The following UQCC6 variants were observed in gnomAD, a reference collection of about 807,000 sequenced individuals.
UQCC6 encodes protein BRAWNIN.
chr12:103,955,379 G>A, the UQCC6 span, among the ~76,000 whole-genome samples: 1 of 152,158 alleles, frequency 6.6e-6, no homozygotes, highest in African/African-American at 2.4e-5. Context: ...GCTCACACCT[G>A]TAATCCCAAC....
the UQCC6 span, chr12:103,951,523 T>G: frequency 6.7e-7 from 1 of 1,482,732 alleles, no homozygotes; most frequent in Non-Finnish European, 9.2e-7. Context: ...CTTGGCATAG[T>G]TATTTAAGTT....
chr12:103,955,877 T>A, the UQCC6 span: 7 of 442,020 alleles, frequency 1.6e-5, no homozygotes, highest in South Asian at 1.1e-4. Context: ...TAGTTCCTAA[T>A]GAATGCTTAT....
chr12:103,955,433 T>G, the UQCC6 span, among the ~76,000 whole-genome samples: 3 of 152,212 alleles, frequency 2.0e-5, no homozygotes, highest in Non-Finnish European at 4.4e-5. Context: ...AGCCAGGAGT[T>G]GGAGACCAGC....
chr12:103,952,299 CCT>C, the UQCC6 span, among the ~76,000 whole-genome samples: 1 of 152,144 alleles, frequency 6.6e-6, no homozygotes, highest in East Asian at 1.9e-4. Context: ...AATATGTGGT[CCT>C]CTGTGTTCTT....
the UQCC6 span, chr12:103,956,493 C>A: frequency 4.8e-6 from 3 of 630,450 alleles, no homozygotes; most frequent in East Asian, 8.6e-5. Context: ...CGTTCAAGAT[C>A]ACTTTTGCTG....
At chr12:103,962,450 T>C in the UQCC6 span, among the ~76,000 whole-genome samples, 2 of 152,208 alleles carry the variant, frequency 1.3e-5, no homozygotes, top group Non-Finnish European at 2.9e-5. Flanking sequence ...TTTGTTTTTT[T>C]ATATGGTGTG....
At chr12:103,955,755 C>A in the UQCC6 span, 18 of 455,844 alleles carry the variant, frequency 3.9e-5, no homozygotes, top group Admixed American at 4.2e-4. Context: ...CATTGTGCTC[C>A]AAACCACTAT....
the UQCC6 span, among the ~76,000 whole-genome samples, chr12:103,957,992 A>ATT: frequency 3.3e-4 from 46 of 140,074 alleles, no homozygotes; most frequent in African/African-American, 5.0e-4. Flanking sequence ...ATATTTATAT[A>ATT]TTTATAATAT....
chr12:103,965,636 G>A, the UQCC6 span: 1 of 211,334 alleles, frequency 4.7e-6, no homozygotes. Context: ...TATCGCCCAC[G>A]CGTCCACCAG....
chr12:103,963,296 G>A, the UQCC6 span, among the ~76,000 whole-genome samples: 4 of 152,064 alleles, frequency 2.6e-5, no homozygotes, highest in Admixed American at 1.3e-4. Flanking sequence ...GGCCGTTCTC[G>A]AACTTCTGGC....
the UQCC6 span, chr12:103,953,679 A>G: frequency 1.5e-6 from 1 of 665,376 alleles, no homozygotes; most frequent in East Asian, 2.7e-5. Context: ...TCCTACAGAG[A>G]TACCCCATTG....
At chr12:103,956,579 G>A in the UQCC6 span, 1 of 1,213,210 alleles carries the variant, frequency 8.2e-7, no homozygotes, top group Non-Finnish European at 1.2e-6. Context: ...AATTTACAAA[G>A]AAATGAGGTA....
chr12:103,954,941 A>T, the UQCC6 span: 1 of 701,750 alleles, frequency 1.4e-6, no homozygotes. Context: ...TGAGAAATCA[A>T]CTTCACTCTT....
the UQCC6 span, among the ~76,000 whole-genome samples, chr12:103,963,265 G>A: frequency 2.0e-5 from 3 of 152,002 alleles, no homozygotes; most frequent in Non-Finnish European, 4.4e-5. Context: ...TAGCAGAGAC[G>A]GGGTTTCACC....
the UQCC6 span, chr12:103,955,654 T>C: frequency 2.4e-6 from 1 of 415,626 alleles, no homozygotes; most frequent in South Asian, 1.7e-5. Flanking sequence ...TATTTTTCAA[T>C]AAAAATTTCT....
At chr12:103,964,873 A>G in the UQCC6 span, among the ~76,000 whole-genome samples, 20,963 of 152,234 alleles carry the variant, frequency 0.14, 1,589 homozygotes, top group Admixed American at 0.2. Context: ...TCAAACTTTA[A>G]ACAGTTGATA....
At chr12:103,962,231 T>C in the UQCC6 span, among the ~76,000 whole-genome samples, 1,137 of 152,354 alleles carry the variant, frequency 7.5e-3, 11 homozygotes, top group African/African-American at 0.026. Context: ...AAGTCCTTTA[T>C]CAGATATGAT....
chr12:103,965,695 G>A, the UQCC6 span: 2 of 313,494 alleles, frequency 6.4e-6, no homozygotes, highest in East Asian at 5.1e-5. Context: ...AGCGCTCCTA[G>A]TCCCCGTCTT....
the UQCC6 span, among the ~76,000 whole-genome samples, chr12:103,958,252 A>T: frequency 9.0e-3 from 1,362 of 151,494 alleles, 22 homozygotes; most frequent in African/African-American, 0.031. Context: ...CTAAATTCTG[A>T]AGGATTAAAG....
Sources: allele counts gnomAD v4.1 joint callset (sites outside exome capture counted in the v4.1 genomes callset), GRCh38; gene constraint gnomAD v4.1.1; transcripts MANE v1.5; gene names NCBI Gene and HGNC (gene_info 2026-07-23, HGNC 2026-07-21).